Variants in RANBP2 observed in about 807,000 individuals in gnomAD.
RANBP2 encodes RAN binding protein 2, also known as E3 SUMO-protein ligase RanBP2.
In RANBP2, 57 loss-of-function variants were observed where a neutral mutation model predicts 303.6. The observed-to-expected ratio is 0.19, with a 90% confidence interval of 0.15 to 0.23. The LOEUF (loss-of-function observed/expected upper bound fraction) is 0.23. RANBP2 is among the 10% of genes least tolerant of loss of function. RANBP2 has a pLI of 1.00. For missense variants in RANBP2, 3,138 were observed against 3,780.8 expected (o/e 0.83, Z 4.46); for synonymous variants, 1,167 against 1,301.5 (o/e 0.90, Z 2.23).
At chr2:109,420,672 C>T in the RANBP2 span, among the ~76,000 whole-genome samples, 1 of 152,178 alleles carries the variant, frequency 6.6e-6, no homozygotes, top group Non-Finnish European at 1.5e-5. Flanking sequence ...GTCTCGATCT[C>T]CTGATCTCGT....
At chr2:109,197,707 G>A in the RANBP2 span, among the ~76,000 whole-genome samples, 3 of 152,230 alleles carry the variant, frequency 2.0e-5, no homozygotes, top group Non-Finnish European at 2.9e-5. Flanking sequence ...CAGTAGGGCC[G>A]GGTGTGTGCC....
the RANBP2 span, among the ~76,000 whole-genome samples, chr2:109,346,069 T>C: frequency 6.6e-6 from 1 of 152,240 alleles, no homozygotes; most frequent in Non-Finnish European, 1.5e-5. Context: ...CTGATCACAG[T>C]GCTTGTCTTG....
At chr2:109,429,312 G>C in the RANBP2 span, among the ~76,000 whole-genome samples, 1 of 152,198 alleles carries the variant, frequency 6.6e-6, no homozygotes, top group African/African-American at 2.4e-5. Flanking sequence ...GAGGCACCCA[G>C]AGGAAAAAAA....
At chr2:108,748,346 T>A (rs528808094) in intron 8 of RANBP2, among the ~76,000 whole-genome samples, 255 of 151,118 alleles carry the variant, frequency 1.7e-3, no homozygotes, top group Non-Finnish European at 2.6e-3. Context: ...TAGCTGGGAC[T>A]ACAGGCGCCA....
At chr2:109,700,766 C>T in the RANBP2 span, among the ~76,000 whole-genome samples, 42 of 151,884 alleles carry the variant, frequency 2.8e-4, no homozygotes, top group African/African-American at 1.0e-3. Context: ...CGTGCAAACA[C>T]AAAACTTCTA....
the RANBP2 span, among the ~76,000 whole-genome samples, chr2:109,155,428 G>C: frequency 6.6e-6 from 1 of 152,012 alleles, no homozygotes; most frequent in African/African-American, 2.4e-5. Context: ...TCGGCCTCCC[G>C]AGTAGCTGGG....
the RANBP2 span, among the ~76,000 whole-genome samples, chr2:109,071,049 T>C: frequency 6.6e-6 from 1 of 152,182 alleles, no homozygotes; most frequent in Non-Finnish European, 1.5e-5. Context: ...GGTATTTATT[T>C]ATAGCTACTA....
At chr2:108,964,628 CAA>C in the RANBP2 span, among the ~76,000 whole-genome samples, 3 of 152,196 alleles carry the variant, frequency 2.0e-5, no homozygotes, top group African/African-American at 7.2e-5. Context: ...TTTCTCTGAG[CAA>C]ATGGAGCAGC....
At chr2:109,648,179 G>A in the RANBP2 span, among the ~76,000 whole-genome samples, 8 of 152,318 alleles carry the variant, frequency 5.3e-5, no homozygotes, top group African/African-American at 1.7e-4. Flanking sequence ...AATGCTTGGC[G>A]TGGGCTGGGA....
chr2:109,298,734 C>T, the RANBP2 span, among the ~76,000 whole-genome samples: 3 of 152,276 alleles, frequency 2.0e-5, 1 homozygote, highest in South Asian at 4.1e-4. Context: ...TCAGCTCACC[C>T]TGTGAAATAT....
the RANBP2 span, among the ~76,000 whole-genome samples, chr2:108,905,983 G>A: frequency 6.6e-6 from 1 of 152,168 alleles, no homozygotes; most frequent in South Asian, 2.1e-4. Flanking sequence ...TGTGGACACG[G>A]TCTCTGGGGA....
chr2:108,725,389 G>C (rs1344180369), intron 1 of RANBP2, among the ~76,000 whole-genome samples: 2 of 152,212 alleles, frequency 1.3e-5, no homozygotes, highest in African/African-American at 4.8e-5. Flanking sequence ...TAATAACATA[G>C]TTGGAAGCAA....
the RANBP2 span, among the ~76,000 whole-genome samples, chr2:108,860,953 T>TTTTTTTTG: frequency 6.9e-6 from 1 of 144,168 alleles, no homozygotes. Context: ...TTTTTTTTTT[T>TTTTTTTTG]TTTTTGGTTG....
chr2:109,018,784 G>A, the RANBP2 span, among the ~76,000 whole-genome samples: 1 of 152,208 alleles, frequency 6.6e-6, no homozygotes, highest in Non-Finnish European at 1.5e-5. Flanking sequence ...CTCAGGCCAG[G>A]TTCCCTGCTG....
At chr2:109,031,796 C>T in the RANBP2 span, among the ~76,000 whole-genome samples, 6 of 152,274 alleles carry the variant, frequency 3.9e-5, no homozygotes, top group South Asian at 2.1e-4. Context: ...CCCCACTTTG[C>T]CCCCAGCGAA....
At chr2:108,788,757 T>C, downstream of RANBP2, 1 of 1,481,704 alleles carries the variant, frequency 6.7e-7, no homozygotes, top group Non-Finnish European at 9.0e-7. Context: ...AGAGAGAAGA[T>C]TTTAAAAATA....
chr2:109,596,561 G>A, the RANBP2 span, among the ~76,000 whole-genome samples: 2 of 151,682 alleles, frequency 1.3e-5, no homozygotes, highest in East Asian at 3.9e-4. Context: ...AGCTTGCAGT[G>A]AGCAGAGATC....
chr2:108,855,159 A>G, the RANBP2 span, among the ~76,000 whole-genome samples: 2 of 152,194 alleles, frequency 1.3e-5, no homozygotes, highest in Non-Finnish European at 2.9e-5. Flanking sequence ...AAAATCTGAA[A>G]TATTCAATAA....
chr2:109,170,610 A>G, the RANBP2 span, among the ~76,000 whole-genome samples: 5 of 152,188 alleles, frequency 3.3e-5, no homozygotes, highest in Admixed American at 6.5e-5. Flanking sequence ...TCGGCCACCC[A>G]AAGCGCTGGG....
Sources: gnomAD v4.1 joint callset for allele counts (sites outside exome capture counted in the v4.1 genomes callset) on GRCh38, gnomAD v4.1.1 for gene constraint, MANE v1.5 for transcripts, NCBI Gene and HGNC (gene_info 2026-07-23, HGNC 2026-07-21) for gene names.